The following DHCR24 variants were observed in gnomAD, a reference collection of about 807,000 sequenced individuals.
The protein encoded by DHCR24 is delta(24)-sterol reductase.
Under a neutral mutation model 61.2 loss-of-function variants are expected in DHCR24, and 28 were observed. The ratio of observed to expected loss-of-function variants is 0.46; its 90% CI spans 0.34 to 0.63. DHCR24 has a LOEUF of 0.63. Among genes scored for constraint, DHCR24 ranks in the 20% least tolerant of loss-of-function variants. The pLI is 0.01. For synonymous variants in DHCR24, 261 were observed against 275.9 expected (o/e 0.95, Z 0.54); for missense variants, 538 against 679.1 (o/e 0.79, Z 2.31).
intron 5 of DHCR24, among the ~76,000 whole-genome samples, chr1:54,867,024 G>A (rs1385068078): frequency 2.0e-5 from 3 of 152,146 alleles, no homozygotes; most frequent in Non-Finnish European, 2.9e-5. Context: ...GGATACAGGC[G>A]CTCCTGGTGC....
intron 4 of DHCR24, among the ~76,000 whole-genome samples, chr1:54,872,947 C>T (rs894122191): frequency 6.6e-6 from 1 of 152,184 alleles, no homozygotes; most frequent in Non-Finnish European, 1.5e-5. Flanking sequence ...ATACCCACTT[C>T]AACAGGACCA....
chr1:54,849,902 A>G lies in DHCR24; in HGVS notation c.*2331T>C, dbSNP rs1481030036. 5 of 152,710 alleles carry G rather than the reference A, an allele frequency of 3.3e-5. No homozygotes were observed. Among genetic ancestry groups the G allele is most frequent in the African/African-American group, 1.2e-4 (5 of 41,472 alleles). The allele number at this position is 152,710 out of a possible 1,614,324, so 9.5% of individuals were successfully genotyped here. Reference sequence around the variant, plus strand: ...AATTCTGATTCTAAAGAAAACCTTCATGCAGCCAAGAAACTCAGGGCTCTG... The same window carrying G: ...AATTCTGATTCTAAAGAAAACCTTCGTGCAGCCAAGAAACTCAGGGCTCTG... On this transcript the variant is annotated 3_prime_UTR_variant, in exon 9 of 9. Coordinates refer to ENST00000371269, the MANE Select transcript of DHCR24 (RefSeq NM_014762.4).
chr1:54,852,502 T>G, intron 8 of DHCR24, 116 bp from the exon 9 acceptor site: 1 of 1,141,792 alleles, frequency 8.8e-7, no homozygotes, highest in Non-Finnish European at 1.3e-6. Context: ...ATTTCTCTTG[T>G]TTAACCCCGT....
intron 6 of DHCR24, among the ~76,000 whole-genome samples, chr1:54,857,750 T>C (rs1646915184): frequency 6.6e-6 from 1 of 152,154 alleles, no homozygotes; most frequent in African/African-American, 2.4e-5. Context: ...AGAAAAAAGC[T>C]TTATATTTAG....
intron 2 of DHCR24, among the ~76,000 whole-genome samples, chr1:54,878,888 C>G (rs1647049670): frequency 6.6e-6 from 1 of 152,010 alleles, no homozygotes; most frequent in African/African-American, 2.4e-5. Context: ...AAAATTCAAC[C>G]CATAATGAGA....
At chr1:54,879,055 C>T (rs945605125) in intron 2 of DHCR24, among the ~76,000 whole-genome samples, 52 of 152,204 alleles carry the variant, frequency 3.4e-4, no homozygotes, top group African/African-American at 1.2e-3. Context: ...TGCAATGCCT[C>T]ACACCTGTAA....
chr1:54,874,987 A>T, intron 4 of DHCR24, 106 bp downstream of exon 4: 1 of 964,732 alleles, frequency 1.0e-6, no homozygotes, highest in Non-Finnish European at 1.7e-6. Context: ...ACCCAGACTG[A>T]ACAGGTACTG....
intron 5 of DHCR24, among the ~76,000 whole-genome samples, chr1:54,867,214 A>G (rs1193116378): frequency 6.6e-6 from 1 of 152,248 alleles, no homozygotes; most frequent in Non-Finnish European, 1.5e-5. Flanking sequence ...AAATGGGGGT[A>G]GGCTGCTTCT....
chr1:54,853,671 G>A (rs1646890815), intron 7 of DHCR24, 59 bp from the exon 8 acceptor site: 3 of 1,551,252 alleles, frequency 1.9e-6, no homozygotes, highest in Non-Finnish European at 2.6e-6. Flanking sequence ...ACAGGCTCAT[G>A]GCTGGCCCGC....
intron 2 of DHCR24, among the ~76,000 whole-genome samples, chr1:54,878,266 G>A (rs1437674686): frequency 2.0e-5 from 3 of 151,892 alleles, no homozygotes; most frequent in Non-Finnish European, 4.4e-5. Context: ...AGCACTTTGG[G>A]AGGCCAAGGC....
intron 4 of DHCR24, among the ~76,000 whole-genome samples, chr1:54,872,884 G>A (rs940518619): frequency 6.6e-6 from 1 of 152,182 alleles, no homozygotes; most frequent in Non-Finnish European, 1.5e-5. Flanking sequence ...CAAGCTGGGA[G>A]TCTTTCCTTG....
At chr1:54,853,105 G>A (rs1351635191) in intron 8 of DHCR24, among the ~76,000 whole-genome samples, 1 of 152,152 alleles carries the variant, frequency 6.6e-6, no homozygotes, top group African/African-American at 2.4e-5. Flanking sequence ...AGTTGCCCCT[G>A]GACCCAGCTA....
At chr1:54,882,737 T>G (rs1375192065) in intron 2 of DHCR24, among the ~76,000 whole-genome samples, 1 of 152,196 alleles carries the variant, frequency 6.6e-6, no homozygotes, top group African/African-American at 2.4e-5. Context: ...TGAAAGAGGC[T>G]AGACAAACAA....
Position 54,853,743 on chromosome 1 carries a change from T to G in DHCR24, c.1219-131A>C. The stretch of plus-strand genomic sequence containing the variant: ...AAGACCCCCTCAGGTGCTCTCAGCT[T>G]CACTGCCCCGCCCCCCAGCCCTGGC... On this transcript the variant is annotated intron_variant, in intron 7 of 8. Transcript: ENST00000371269. 6 of 1,081,894 alleles carry G rather than the reference T, an allele frequency of 5.5e-6. No homozygotes were observed. In the South Asian group the frequency reaches 8.4e-5, roughly 15 times the overall value. The allele number at this position is 1,081,894 out of a possible 1,614,324, so 67.0% of individuals were successfully genotyped here.
At chr1:54,865,243 G>C (rs770428252) in intron 6 of DHCR24, 60 bp downstream of exon 6, 83 of 1,575,146 alleles carry the variant, frequency 5.3e-5, no homozygotes, top group Non-Finnish European at 7.2e-5. Context: ...AGTGTTAACT[G>C]TCCGGGCTCC....
At chr1:54,860,389 C>A (rs376526897) in intron 6 of DHCR24, among the ~76,000 whole-genome samples, 2 of 152,280 alleles carry the variant, frequency 1.3e-5, no homozygotes, top group South Asian at 2.1e-4. Flanking sequence ...TTCCTCTCCC[C>A]TCCTTGTTAA....
At chr1:54,881,303 C>T (rs998299971) in intron 2 of DHCR24, among the ~76,000 whole-genome samples, 15 of 152,052 alleles carry the variant, frequency 9.9e-5, no homozygotes, top group African/African-American at 3.6e-4. Flanking sequence ...AAGAACAAAA[C>T]AACCCCCATT....
At chr1:54,880,113 T>G (rs909669543) in intron 2 of DHCR24, among the ~76,000 whole-genome samples, 4 of 152,114 alleles carry the variant, frequency 2.6e-5, no homozygotes, top group African/African-American at 9.6e-5. Context: ...GCCAGACTGT[T>G]CAGGAAAAAA....
chr1:54,854,361 C>CCAAAGAGGGGA, intron 6 of DHCR24, 127 bp from the exon 7 acceptor site: 3 of 758,360 alleles, frequency 4.0e-6, no homozygotes, highest in Non-Finnish European at 4.3e-6. Context: ...CAATTCCCCT[C>CCAAAGAGGGGA]TTTGGAGGGG....
Sources: allele counts gnomAD v4.1 joint callset (sites outside exome capture counted in the v4.1 genomes callset), GRCh38; gene constraint gnomAD v4.1.1; transcripts MANE v1.5; gene names NCBI Gene and HGNC (gene_info 2026-07-23, HGNC 2026-07-21).